Variants in CDH13 observed in about 807,000 individuals in gnomAD.
CDH13 encodes cadherin 13.
In CDH13, 24 loss-of-function variants were observed where a neutral mutation model predicts 63.8. The ratio of observed to expected loss-of-function variants is 0.38; its 90% CI spans 0.27 to 0.53. The LOEUF is 0.53. Among genes scored for constraint, CDH13 ranks in the 20% least tolerant of loss-of-function variants. CDH13 has a pLI of 0.85. For synonymous variants in CDH13, 503 were observed against 355.3 expected, an observed-to-expected ratio of 1.42 and a Z score of -4.67; for missense variants, 1,049 against 903.1, an observed-to-expected ratio of 1.16 and a Z score of -2.07.
At chr16:83,316,155 C>G (rs1409709899) in intron 5 of CDH13, among the ~76,000 whole-genome samples, 1 of 152,160 alleles carries the variant, frequency 6.6e-6, no homozygotes, top group Non-Finnish European at 1.5e-5. Flanking sequence ...TGAGAACTCA[C>G]TGACTATCAC....
intron 6 of CDH13, among the ~76,000 whole-genome samples, chr16:83,446,508 G>A (rs951092176): frequency 3.3e-5 from 5 of 152,132 alleles, no homozygotes; most frequent in Non-Finnish European, 5.9e-5. Context: ...CCGCAGAGAA[G>A]AAAGGACAGA....
At chr16:83,698,496 C>T (rs959112150) in intron 10 of CDH13, among the ~76,000 whole-genome samples, 1 of 152,174 alleles carries the variant, frequency 6.6e-6, no homozygotes. Context: ...CTGAGGCTCT[C>T]AAGACACTGC....
At chr16:83,220,916 C>T (rs902432803) in intron 5 of CDH13, among the ~76,000 whole-genome samples, 1 of 152,230 alleles carries the variant, frequency 6.6e-6, no homozygotes, top group Admixed American at 6.5e-5. Context: ...GTTTATTGAA[C>T]ACTGCATGGC....
chr16:83,351,772 T>G (rs1418626247), intron 6 of CDH13, among the ~76,000 whole-genome samples: 1 of 152,214 alleles, frequency 6.6e-6, no homozygotes, highest in African/African-American at 2.4e-5. Context: ...CCCTGTTATG[T>G]TTTGATCCCT....
chr16:83,334,900 C>G (rs982339063), intron 5 of CDH13, among the ~76,000 whole-genome samples: 6 of 152,170 alleles, frequency 3.9e-5, no homozygotes, highest in African/African-American at 1.4e-4. Context: ...TCATCTAAAT[C>G]TGCCTACCAA....
At chr16:83,483,464 GT>G (rs1302131576) in intron 6 of CDH13, among the ~76,000 whole-genome samples, 1 of 49,202 alleles carries the variant, frequency 2.0e-5, no homozygotes, top group African/African-American at 5.2e-5. Flanking sequence ...AACCTGAAAG[GT>G]CTTTTTTTTT....
chr16:82,825,461 C>G (rs2038199911), intron 1 of CDH13: 1 of 151,908 alleles, frequency 6.6e-6, no homozygotes, highest in African/African-American at 2.4e-5. Flanking sequence ...AAGAACTTCT[C>G]ATTAGCTGAA....
intron 6 of CDH13, among the ~76,000 whole-genome samples, chr16:83,354,049 G>C (rs1409064704): frequency 6.6e-6 from 1 of 152,322 alleles, no homozygotes; most frequent in African/African-American, 2.4e-5. Flanking sequence ...GGGCAAAGGA[G>C]CATTTGTAGC....
chr16:83,286,370 T>G (rs570346618), intron 5 of CDH13, among the ~76,000 whole-genome samples: 1 of 152,306 alleles, frequency 6.6e-6, no homozygotes, highest in East Asian at 1.9e-4. Context: ...TGCTAGCCCC[T>G]GTGGTATGTT....
chr16:83,401,344 A>C (rs2091965271), intron 6 of CDH13, among the ~76,000 whole-genome samples: 1 of 151,332 alleles, frequency 6.6e-6, no homozygotes. Context: ...ATCTCAAAAA[A>C]AAAAAAAGAA....
chr16:83,062,488 A>G (rs754447932), intron 3 of CDH13, among the ~76,000 whole-genome samples: 15 of 152,148 alleles, frequency 9.9e-5, no homozygotes, highest in Non-Finnish European at 1.9e-4. Context: ...TAAATAGTCA[A>G]TGATTCTTGT....
intron 1 of CDH13, among the ~76,000 whole-genome samples, chr16:82,754,091 C>T (rs955654269): frequency 5.3e-5 from 8 of 152,172 alleles, no homozygotes; most frequent in Non-Finnish European, 8.8e-5. Context: ...GATGACAGCA[C>T]AGTCTGTTGC....
At chr16:83,069,568 T>C (rs932209578) in intron 3 of CDH13, among the ~76,000 whole-genome samples, 3 of 152,126 alleles carry the variant, frequency 2.0e-5, no homozygotes, top group Non-Finnish European at 4.4e-5. Flanking sequence ...ATCTAAAAAA[T>C]GCAAAGCCAA....
intron 10 of CDH13, among the ~76,000 whole-genome samples, chr16:83,709,476 C>T (rs1176112083): frequency 4.6e-5 from 7 of 152,242 alleles, no homozygotes; most frequent in Non-Finnish European, 7.3e-5. Flanking sequence ...GCCGTGTGTG[C>T]ACCATTTGAG....
At chr16:82,939,354 C>T (rs537725558) in intron 2 of CDH13, among the ~76,000 whole-genome samples, 34 of 151,858 alleles carry the variant, frequency 2.2e-4, no homozygotes, top group Middle Eastern at 3.4e-3. Flanking sequence ...GCCAGGGAGA[C>T]GGAGGTTGCA....
At chr16:82,631,069 T>C (rs918115505) in intron 1 of CDH13, among the ~76,000 whole-genome samples, 1 of 152,236 alleles carries the variant, frequency 6.6e-6, no homozygotes, top group African/African-American at 2.4e-5. Flanking sequence ...TTTCTGTGTC[T>C]CTCTCTTTCT....
intron 1 of CDH13, among the ~76,000 whole-genome samples, chr16:82,847,345 C>G (rs931307108): frequency 1.3e-5 from 2 of 152,204 alleles, no homozygotes; most frequent in African/African-American, 2.4e-5. Context: ...GCGATGCATT[C>G]TTTTCTGGAG....
intron 7 of CDH13, among the ~76,000 whole-genome samples, chr16:83,490,277 A>G (rs1234476653): frequency 6.6e-6 from 1 of 152,220 alleles, no homozygotes; most frequent in African/African-American, 2.4e-5. Flanking sequence ...CAGATGATGC[A>G]AGATGAGTGG....
intron 1 of CDH13, among the ~76,000 whole-genome samples, chr16:82,683,744 T>A (rs1914786942): frequency 6.6e-6 from 1 of 152,320 alleles, no homozygotes; most frequent in Admixed American, 6.5e-5. Flanking sequence ...GTCCATACTT[T>A]CTTAATGAGG....
Sources: gnomAD v4.1 joint callset for allele counts (sites outside exome capture counted in the v4.1 genomes callset) on GRCh38, gnomAD v4.1.1 for gene constraint, MANE v1.5 for transcripts, NCBI Gene and HGNC (gene_info 2026-07-23, HGNC 2026-07-21) for gene names.